ADGRL2: variants seen among roughly 807,000 people sequenced by gnomAD.
ADGRL2 encodes the protein adhesion G protein-coupled receptor L2.
Under a neutral mutation model 157.4 loss-of-function variants are expected in ADGRL2, and 44 were observed. The observed-to-expected ratio is 0.28, with a 90% CI of 0.22 to 0.36. ADGRL2 has a LOEUF of 0.36. Ranked by LOEUF, ADGRL2 falls within the 10% of genes least tolerant of loss-of-function variation. The pLI is 1.00. For missense variants in ADGRL2, 1,510 were observed against 1,768.9 expected, an observed-to-expected ratio of 0.85 and a Z score of 2.63; for synonymous variants, 585 against 624.7, an observed-to-expected ratio of 0.94 and a Z score of 0.95.
rs115448890 is a variant in ADGRL2, at chr1:81,462,750, T to G, written c.-248+17661T>G. 8.7e-3 allele frequency among the ~76,000 whole-genome samples: 1,318 copies of G among 152,286 alleles called. 24 individuals carry two copies. Among genetic ancestry groups the G allele is most frequent in the East Asian group, 0.045 (234 of 5,186 alleles). ...TCAAGACCTAAGAAAGCTATCCATA[T>G]TCTTTAAATTGGGTCATTATATTTA... On this transcript the variant is annotated intron_variant, in intron 2 of 24. Coordinates refer to the ADGRL2 transcript ENST00000370721.
At chr1:81,744,868 T>C (rs2085192531) in intron 1 of ADGRL2, among the ~76,000 whole-genome samples, 1 of 152,220 alleles carries the variant, frequency 6.6e-6, no homozygotes, top group Non-Finnish European at 1.5e-5. Flanking sequence ...GTTTGAAGAA[T>C]ATGTTTCGTG....
intron 2 of ADGRL2, among the ~76,000 whole-genome samples, chr1:81,903,760 TTATATATACACATTA>T (rs1290325199): frequency 1.3e-4 from 19 of 144,214 alleles, no homozygotes; most frequent in East Asian, 9.9e-4. Context: ...TATATACACA[TTATATATACACATTA>T]TATATATACA....
chr1:81,762,254 A>G (rs2085907451), intron 2 of ADGRL2, among the ~76,000 whole-genome samples: 1 of 152,186 alleles, frequency 6.6e-6, no homozygotes, highest in African/African-American at 2.4e-5. Flanking sequence ...TGGAATTGTT[A>G]CTGTTACATA....
At chr1:81,388,316 G>T (rs539516948) in intron 1 of ADGRL2, among the ~76,000 whole-genome samples, 1 of 152,174 alleles carries the variant, frequency 6.6e-6, no homozygotes, top group South Asian at 2.1e-4. Flanking sequence ...GTTGATTTCT[G>T]CCAGATTCCT....
At chr1:81,967,309 T>C (rs1406748051) in intron 13 of ADGRL2, among the ~76,000 whole-genome samples, 1 of 151,212 alleles carries the variant, frequency 6.6e-6, no homozygotes, top group African/African-American at 2.4e-5. Flanking sequence ...TTGCCCAGTC[T>C]AGAGTGCGGT....
intron 3 of ADGRL2, among the ~76,000 whole-genome samples, chr1:81,626,923 G>A (rs1211489108): frequency 1.3e-5 from 2 of 152,184 alleles, no homozygotes; most frequent in Non-Finnish European, 2.9e-5. Context: ...GGTAAGGGGT[G>A]TGGGTGGAGG....
intron 2 of ADGRL2, among the ~76,000 whole-genome samples, chr1:81,905,328 C>T (rs548960950): frequency 7.2e-5 from 11 of 152,210 alleles, no homozygotes; most frequent in East Asian, 3.9e-4. Context: ...AATCCCCTGA[C>T]GTCAGGTGAT....
chr1:81,831,366 G>T (rs557502666), intron 1 of ADGRL2, among the ~76,000 whole-genome samples: 1 of 152,166 alleles, frequency 6.6e-6, no homozygotes, highest in South Asian at 2.1e-4. Flanking sequence ...TATTACCTAA[G>T]GGATGTTTAG....
chr1:81,655,711 G>A (rs903774516), intron 3 of ADGRL2, among the ~76,000 whole-genome samples: 2 of 152,000 alleles, frequency 1.3e-5, no homozygotes, highest in Admixed American at 6.6e-5. Flanking sequence ...TCCTATGAGA[G>A]GCTGTCTTCT....
chr1:81,822,028 CTTTTT>C, intron 1 of ADGRL2, among the ~76,000 whole-genome samples: 1 of 125,178 alleles, frequency 8.0e-6, no homozygotes, highest in Admixed American at 8.9e-5. Flanking sequence ...ATATCAGAAA[CTTTTT>C]TTTTTTTTTT....
rs1488128761 is a variant in ADGRL2, at chr1:81,910,547, ATATAAG to A, written c.287+3323_287+3328del. ...CTTAACTGGACTGTTGCCTTCCCAC[ATATAAG>A]TATAATACAGAAAACTGCTGAGAAT... On this transcript the variant is annotated intron_variant, in intron 3 of 23. Transcript: ENST00000686636. 7.3e-5 allele frequency among the ~76,000 whole-genome samples: 11 copies of A among 151,724 alleles called. No individual in the cohort carries two copies. In the East Asian group the frequency reaches 1.4e-3, roughly 19 times the overall value.
At chr1:81,941,152 T>C (rs530938672) in intron 4 of ADGRL2, among the ~76,000 whole-genome samples, 1 of 142,172 alleles carries the variant, frequency 7.0e-6, no homozygotes, top group East Asian at 2.2e-4. Context: ...CCTACTGTGC[T>C]TGCTTTTCCC....
intron 1 of ADGRL2, among the ~76,000 whole-genome samples, chr1:81,819,254 G>A (rs1234534740): frequency 6.6e-6 from 1 of 152,054 alleles, no homozygotes; most frequent in Non-Finnish European, 1.5e-5. Context: ...GTTAGAATTT[G>A]GCATTTGATT....
At chr1:81,419,866 C>G (rs1475214850) in intron 1 of ADGRL2, among the ~76,000 whole-genome samples, 2 of 152,186 alleles carry the variant, frequency 1.3e-5, no homozygotes, top group African/African-American at 2.4e-5. Flanking sequence ...GTGAAAACGT[C>G]TGGTCTAACT....
rs575409482 is a variant in ADGRL2, at chr1:81,984,493, C to A, written c.3283-90C>A. ...GATAAGTTTTAGTGGAACTTTAATT[C>A]TTTTCGGTTGTCTTCACTGTTCATT... On this transcript the variant is annotated intron_variant, in intron 19 of 23. Transcript: ENST00000686636. The A allele has an allele frequency of 6.2e-6, 8 of 1,281,814 alleles. No homozygotes were observed. In the South Asian group the frequency reaches 1.1e-4, roughly 18 times the overall value. The allele number at this position is 1,281,814 out of a possible 1,614,324, so 79.4% of individuals were successfully genotyped here.
chr1:81,336,526 A>T (rs935672567), intron 1 of ADGRL2, among the ~76,000 whole-genome samples: 5 of 152,046 alleles, frequency 3.3e-5, no homozygotes, highest in Admixed American at 2.0e-4. Flanking sequence ...TCTTGTGCTG[A>T]TTGCCCAGGT....
intron 3 of ADGRL2, among the ~76,000 whole-genome samples, chr1:81,935,060 A>G (rs1443464586): frequency 2.6e-5 from 4 of 152,014 alleles, no homozygotes; most frequent in African/African-American, 9.7e-5. Flanking sequence ...AACATTAGTT[A>G]TTGACCTATT....
At chr1:81,869,999 C>G (rs2093650998) in intron 2 of ADGRL2, among the ~76,000 whole-genome samples, 1 of 151,558 alleles carries the variant, frequency 6.6e-6, no homozygotes, top group African/African-American at 2.4e-5. Context: ...GTAGGAAATG[C>G]ACATTTTCCT....
At chr1:81,467,239 A>G (rs2078075935) in intron 2 of ADGRL2, among the ~76,000 whole-genome samples, 1 of 152,160 alleles carries the variant, frequency 6.6e-6, no homozygotes, top group African/African-American at 2.4e-5. Context: ...ACTGCTGCAT[A>G]GGGAGAATTA....
Sources: allele counts gnomAD v4.1 joint callset (sites outside exome capture counted in the v4.1 genomes callset), GRCh38; gene constraint gnomAD v4.1.1; transcripts MANE v1.5; gene names NCBI Gene and HGNC (gene_info 2026-07-23, HGNC 2026-07-21).